Variants in MAML2 observed in about 807,000 individuals in gnomAD.
The protein encoded by MAML2 is mastermind-like protein 2.
A neutral mutation model predicts 96.1 loss-of-function variants in MAML2; 22 were observed. The ratio of observed to expected loss-of-function variants is 0.23; its 90% CI spans 0.16 to 0.33. The LOEUF (loss-of-function observed/expected upper bound fraction) is 0.33. MAML2 is among the 10% of genes least tolerant of loss of function. MAML2 has a pLI of 1.00. For missense variants in MAML2, 1,367 were observed against 1,392.4 expected, an observed-to-expected ratio of 0.98 and a Z score of 0.29; for synonymous variants, 561 against 521.3, an observed-to-expected ratio of 1.08 and a Z score of -1.04.
intron 1 of MAML2, among the ~76,000 whole-genome samples, chr11:96,243,352 C>T (rs1455128387): frequency 5.3e-5 from 8 of 152,114 alleles, no homozygotes; most frequent in African/African-American, 1.7e-4. Flanking sequence ...TCGGGAATTG[C>T]CTGCACTCCT....
intron 1 of MAML2, among the ~76,000 whole-genome samples, chr11:96,192,148 T>G (rs1861662155): frequency 6.6e-6 from 1 of 152,204 alleles, no homozygotes; most frequent in Admixed American, 6.5e-5. Context: ...GTGAGCTTTC[T>G]GCAAAGCCGA....
At chr11:96,150,142 A>G (rs998123556) in intron 1 of MAML2, among the ~76,000 whole-genome samples, 1 of 152,254 alleles carries the variant, frequency 6.6e-6, no homozygotes, top group South Asian at 2.1e-4. Context: ...TGACAAATAC[A>G]AAAGTTATTG....
intron 1 of MAML2, among the ~76,000 whole-genome samples, chr11:96,156,275 C>A (rs532531213): frequency 5.4e-4 from 82 of 152,204 alleles, no homozygotes; most frequent in African/African-American, 2.0e-3. Flanking sequence ...CCCAGGCAGC[C>A]TCCTCCTCCT....
chr11:96,093,665 G>T, intron 1 of MAML2, 148 bp from the exon 2 acceptor site: 1 of 621,454 alleles, frequency 1.6e-6, no homozygotes, highest in South Asian at 2.1e-5. Context: ...GAGCACAAAT[G>T]AAGCACAATC....
At chr11:96,165,960 A>C (rs1436783876) in intron 1 of MAML2, among the ~76,000 whole-genome samples, 2 of 152,210 alleles carry the variant, frequency 1.3e-5, no homozygotes, top group African/African-American at 2.4e-5. Flanking sequence ...TGCAGGTATC[A>C]TGCACAGCAC....
At chr11:96,139,028 C>T (rs514907) in intron 1 of MAML2, among the ~76,000 whole-genome samples, 56,229 of 152,012 alleles carry the variant, frequency 0.37, 11,426 homozygotes, top group East Asian at 0.79. Flanking sequence ...CCAGAACTCC[C>T]TTGTCATTTG....
chr11:95,997,982 A>G (rs1858018534), intron 2 of MAML2, among the ~76,000 whole-genome samples: 1 of 152,190 alleles, frequency 6.6e-6, no homozygotes, highest in Non-Finnish European at 1.5e-5. Context: ...TCATTTAAGA[A>G]GATGCTAGAT....
intron 4 of MAML2, among the ~76,000 whole-genome samples, chr11:95,982,781 C>T (rs541213927): frequency 1.0e-3 from 153 of 152,218 alleles, no homozygotes; most frequent in Admixed American, 1.6e-3. Flanking sequence ...TGAAGGACTG[C>T]ATGTATGACA....
rs572299100 is a variant in MAML2, at chr11:96,143,904, T to C, written c.514-50387A>G. On this transcript the variant is annotated intron_variant, in intron 1 of 4. Transcript: ENST00000524717. Reference sequence around the variant, plus strand: ...AACGTGAGGTTTGTTTGGAATCAGATGTAGCTTTCCACTACCATAATTACA... The same window carrying C: ...AACGTGAGGTTTGTTTGGAATCAGACGTAGCTTTCCACTACCATAATTACA... Among the ~76,000 whole-genome samples, 3 of 152,338 alleles carry C rather than the reference T, an allele frequency of 2.0e-5. No homozygotes were observed. In the South Asian group the frequency reaches 6.2e-4, roughly 32 times the overall value.
chr11:96,077,219 C>CTTTTTTTTTTT (rs371672772), intron 2 of MAML2, among the ~76,000 whole-genome samples: 5 of 94,120 alleles, frequency 5.3e-5, no homozygotes, highest in African/African-American at 1.8e-4. Flanking sequence ...CTCTCTCTCT[C>CTTTTTTTTTTT]TTTTTTTTTT....
intron 1 of MAML2, among the ~76,000 whole-genome samples, chr11:96,146,375 A>G (rs922878505): frequency 2.0e-5 from 3 of 152,238 alleles, no homozygotes; most frequent in Non-Finnish European, 4.4e-5. Context: ...CTACTTGCTC[A>G]TAGTTGAAAT....
chr11:96,148,604 A>AG (rs1860859889), intron 1 of MAML2, among the ~76,000 whole-genome samples: 1 of 14 alleles, frequency 0.071, no homozygotes, highest in Admixed American at 0.5. Context: ...GTTGGGGATC[A>AG]ATATGAAGTG....
chr11:96,117,023 C>T (rs978016914), intron 1 of MAML2, among the ~76,000 whole-genome samples: 1 of 152,146 alleles, frequency 6.6e-6, no homozygotes, highest in Non-Finnish European at 1.5e-5. Context: ...TGAACTATCT[C>T]CAGAAGGTAA....
chr11:96,277,920 T>TC (rs1863012635), intron 1 of MAML2, among the ~76,000 whole-genome samples: 1 of 150,784 alleles, frequency 6.6e-6, no homozygotes, highest in East Asian at 1.9e-4. Flanking sequence ...GTGGGAACTT[T>TC]TTTTTTTTTT....
chr11:96,143,881 C>T lies in MAML2; in HGVS notation c.514-50364G>A, dbSNP rs151046518. On this transcript the variant is annotated intron_variant, in intron 1 of 4. Coordinates refer to ENST00000524717, the MANE Select transcript of MAML2 (RefSeq NM_032427.4). Reference sequence around the variant, plus strand: ...TGCTCTCTAATTATAGCTGGGGGAACGTGAGGTTTGTTTGGAATCAGATGT... The same window carrying T: ...TGCTCTCTAATTATAGCTGGGGGAATGTGAGGTTTGTTTGGAATCAGATGT... Among the ~76,000 whole-genome samples the T allele has an allele frequency of 8.3e-3, 1,267 of 152,252 alleles. 45 individuals are homozygous for T. The highest frequency in any genetic ancestry group is 0.071 in the Admixed American group (1,080 of 15,292).
intron 3 of MAML2, among the ~76,000 whole-genome samples, chr11:95,991,070 T>A (rs2135709049): frequency 6.6e-6 from 1 of 152,208 alleles, no homozygotes; most frequent in East Asian, 1.9e-4. Context: ...AATCCCCCAT[T>A]GTGAGTTGCT....
intron 1 of MAML2, among the ~76,000 whole-genome samples, chr11:96,200,667 A>G (rs1025664420): frequency 2.0e-5 from 3 of 152,194 alleles, no homozygotes; most frequent in Admixed American, 6.5e-5. Context: ...CTGACTTCTC[A>G]GGAGCTTCTG....
chr11:96,063,210 C>T (rs528990836), intron 2 of MAML2, among the ~76,000 whole-genome samples: 2 of 152,278 alleles, frequency 1.3e-5, no homozygotes, highest in South Asian at 2.1e-4. Context: ...TGACTCTGTC[C>T]TCAGGGTTCA....
chr11:96,270,706 A>C (rs1662790959), intron 1 of MAML2, among the ~76,000 whole-genome samples: 1 of 152,188 alleles, frequency 6.6e-6, no homozygotes, highest in African/African-American at 2.4e-5. Context: ...GATCCATTGA[A>C]TACCTAAGTC....
Sources: allele counts gnomAD v4.1 joint callset (sites outside exome capture counted in the v4.1 genomes callset), GRCh38; gene constraint gnomAD v4.1.1; transcripts MANE v1.5; gene names NCBI Gene and HGNC (gene_info 2026-07-23, HGNC 2026-07-21).